The following MYH16 variants were observed in gnomAD, a reference collection of about 807,000 sequenced individuals.
The protein encoded by MYH16 is putative uncharacterized protein MYH16.
Position 99,297,875 on chromosome 7 carries a change from G to A in MYH16, n.4637-17G>A. On this transcript the variant is annotated splice_polypyrimidine_tract_variant and intron_variant and non_coding_transcript_variant, in intron 35 of 41. Coordinates refer to ENST00000439784, the Ensembl canonical transcript of MYH16. ...CATCTTCTTGGCCAGAAAGACTCAT[G>A]GTTATATTTCTGGTAGGTTGAAGAG... 1 of 456,712 alleles carries A rather than the reference G, an allele frequency of 2.2e-6. No individual in the cohort carries two copies. The highest frequency in any genetic ancestry group is 1.5e-5 in the South Asian group (1 of 64,568). The allele number at this position is 456,712 out of a possible 1,614,324, so 28.3% of individuals were successfully genotyped here.
At chr7:99,279,766 T>C (rs1252576657) in intron 22 of MYH16, 29 bp downstream of exon 4, 1 of 449,072 alleles carries the variant, frequency 2.2e-6, no homozygotes, top group Non-Finnish European at 4.5e-6. Context: ...CCTGCCACGC[T>C]TTTCTCAGGC....
exon 34 of MYH16, chr7:99,296,825 T>G (rs1291117736): frequency 2.2e-6 from 1 of 457,068 alleles, no homozygotes; most frequent in South Asian, 1.5e-5. Context: ...GAGTGCCGCA[T>G]GTACATGACA....
chr7:99,270,415 G>A (rs541435006), intron 18 of MYH16, among the ~76,000 whole-genome samples: 2,690 of 150,054 alleles, frequency 0.018, 69 homozygotes, highest in African/African-American at 0.056. Context: ...TCCGCCTCCC[G>A]GGTTCACGCC....
intron 32 of MYH16, 106 bp downstream of exon 13, chr7:99,292,614 A>G (rs76879813): frequency 0.1 from 39,681 of 397,198 alleles, 2,279 homozygotes; most frequent in African/African-American, 0.18. Context: ...AGCCCAGGAA[A>G]AGGACGTTCA....
At chr7:99,287,680 A>G (rs1057085220) in intron 28 of MYH16, 1 of 345,570 alleles carries the variant, frequency 2.9e-6, no homozygotes, top group African/African-American at 2.1e-5. Flanking sequence ...ACTTGAGTAT[A>G]TCTTTTTGGA....
At position 99,260,202 on chromosome 7, in the gene MYH16, C is replaced by A. The variant is rs138716053; in HGVS notation, n.1443C>A. On this transcript the variant is annotated non_coding_transcript_exon_variant, in exon 12 of 42. Transcript: ENST00000439784. ...AGCAGCTATGCATCAACTTCACCAA[C>A]GAGAAGCTGCAGCAGTTCTTCAACC... is the stretch of plus-strand genomic sequence containing the variant. 39 of 1,610,440 alleles carry A rather than the reference C, an allele frequency of 2.4e-5. 1 individual carries two copies. The South Asian group carries it at 3.6e-4, about 15-fold the overall frequency.
At chr7:99,306,075 C>T (rs1792674164) in intron 41 of MYH16, 39 bp downstream of exon 22, 1 of 152,654 alleles carries the variant, frequency 6.6e-6, no homozygotes, top group Non-Finnish European at 1.5e-5. Context: ...CCTTCCCTCA[C>T]TCTTGTTTCT....
At chr7:99,242,402 A>T (rs1179070488) in intron 1 of MYH16, among the ~76,000 whole-genome samples, 2 of 152,004 alleles carry the variant, frequency 1.3e-5, no homozygotes, top group Non-Finnish European at 2.9e-5. Flanking sequence ...TTTGGGGGCC[A>T]AGATGGGAGG....
At chr7:99,269,678 A>G (rs1426926013) in intron 18 of MYH16, among the ~76,000 whole-genome samples, 1 of 152,146 alleles carries the variant, frequency 6.6e-6, no homozygotes, top group African/African-American at 2.4e-5. Context: ...CTTCCGTGAC[A>G]TTCCTCCATG....
intron 11 of MYH16, among the ~76,000 whole-genome samples, chr7:99,259,754 C>T (rs1321098981): frequency 6.8e-6 from 1 of 146,540 alleles, no homozygotes; most frequent in Non-Finnish European, 1.5e-5. Flanking sequence ...TACATATATA[C>T]ATACATATTA....
At chr7:99,280,381 C>T (rs1792186212) in intron 22 of MYH16, among the ~76,000 whole-genome samples, 1 of 152,222 alleles carries the variant, frequency 6.6e-6, no homozygotes, top group South Asian at 2.1e-4. Context: ...GTGAAGTGTC[C>T]ACCTTCAGCT....
At position 99,257,796 on chromosome 7, in the gene MYH16, G is replaced by A. The variant is rs139682904; in HGVS notation, n.1136-326G>A. 2.2e-3 allele frequency among the ~76,000 whole-genome samples: 340 copies of A among 152,138 alleles called. 1 individual carries two copies. Among genetic ancestry groups the A allele is most frequent in the African/African-American group, 7.1e-3 (296 of 41,498 alleles). On this transcript the variant is annotated intron_variant and non_coding_transcript_variant, in intron 10 of 41. Coordinates refer to ENST00000439784, the Ensembl canonical transcript of MYH16. ...CTCAGTAGCTGGGACTACAGTGCAC[G>A]CCACCACGCCTGGCTAATTTTTTAA...
Position 99,300,166 on chromosome 7 carries a change from G to A in MYH16, n.4933+508G>A, listed in dbSNP as rs574468022. Among the ~76,000 whole-genome samples, 8 of 151,714 alleles carry A rather than the reference G, an allele frequency of 5.3e-5. 1 individual carries two copies. Among genetic ancestry groups the A allele is most frequent in the Non-Finnish European group, 8.8e-5 (6 of 67,938 alleles). On this transcript the variant is annotated intron_variant and non_coding_transcript_variant, in intron 37 of 41. Coordinates refer to ENST00000439784, the Ensembl canonical transcript of MYH16. ...ATAGAGATGGGGTTTCACCATACTGGCCAGGCTGATCTCCAATGCCTGACC... is the reference window on the plus strand; with the variant it reads ...ATAGAGATGGGGTTTCACCATACTGACCAGGCTGATCTCCAATGCCTGACC...
chr7:99,242,600 T>G (rs1365931073), intron 1 of MYH16, among the ~76,000 whole-genome samples: 3 of 152,174 alleles, frequency 2.0e-5, no homozygotes, highest in Non-Finnish European at 4.4e-5. Flanking sequence ...ACTGTACCAC[T>G]GAACTCCAGC....
At chr7:99,257,404 C>A in exon 10 of MYH16, 1 of 168,676 alleles carries the variant, frequency 5.9e-6, no homozygotes, top group Non-Finnish European at 1.3e-5. Flanking sequence ...CAAGCAGAAG[C>A]CCAGAGACGA....
At chr7:99,288,630 T>C (rs986748145) in intron 29 of MYH16, among the ~76,000 whole-genome samples, 2 of 144,590 alleles carry the variant, frequency 1.4e-5, no homozygotes, top group African/African-American at 5.2e-5. Flanking sequence ...AGAGGTTGCA[T>C]TGAGCCGAGA....
At chr7:99,241,859 G>GTTT (rs71930898) in intron 1 of MYH16, among the ~76,000 whole-genome samples, 3 of 146,536 alleles carry the variant, frequency 2.0e-5, no homozygotes, top group Non-Finnish European at 3.0e-5. Flanking sequence ...GCTGGCACTA[G>GTTT]TTTTTTTTTT....
chr7:99,269,349 C>A (rs1185739948), intron 18 of MYH16, among the ~76,000 whole-genome samples: 1 of 151,554 alleles, frequency 6.6e-6, no homozygotes, highest in Non-Finnish European at 1.5e-5. Flanking sequence ...GATCACAGCT[C>A]ACTGTGGCTT....
chr7:99,274,669 C>CT (rs745470963), intron 20 of MYH16, among the ~76,000 whole-genome samples: 9,253 of 117,578 alleles, frequency 0.079, 1,245 homozygotes, highest in African/African-American at 0.25. Context: ...CATTAATTCA[C>CT]TTTTTTTTTT....
Sources: allele counts gnomAD v4.1 joint callset (sites outside exome capture counted in the v4.1 genomes callset), GRCh38; gene constraint gnomAD v4.1.1; transcripts MANE v1.5; gene names NCBI Gene and HGNC (gene_info 2026-07-23, HGNC 2026-07-21).